Variants in CSGALNACT1 observed in about 807,000 individuals in gnomAD.
CSGALNACT1 encodes the protein beta4GalNAcT-1.
Under a neutral mutation model 51.0 loss-of-function variants are expected in CSGALNACT1, and 52 were observed. The observed-to-expected ratio is 1.02, with a 90% confidence interval of 0.82 to 1.29. The LOEUF (loss-of-function observed/expected upper bound fraction) is 1.29. Among genes scored for constraint, CSGALNACT1 ranks in the 50% most tolerant of loss-of-function variants. The probability of loss-of-function intolerance (pLI) is 0.00; values close to 1 mark genes in which losing one functional copy is unlikely to be tolerated. For synonymous variants in CSGALNACT1, 341 were observed against 254.4 expected, an observed-to-expected ratio of 1.34 and a Z score of -3.24; for missense variants, 935 against 679.2, an observed-to-expected ratio of 1.38 and a Z score of -4.19.
intron 6 of CSGALNACT1, among the ~76,000 whole-genome samples, chr8:19,425,920 G>T (rs975616788): frequency 6.6e-6 from 1 of 152,026 alleles, no homozygotes; most frequent in Non-Finnish European, 1.5e-5. Context: ...GTGCCTCGCC[G>T]CAAACTTACA....
chr8:19,500,993 T>C (rs966263263), intron 4 of CSGALNACT1, among the ~76,000 whole-genome samples: 1 of 152,134 alleles, frequency 6.6e-6, no homozygotes, highest in Admixed American at 6.5e-5. Context: ...CTCACGCCTG[T>C]AATCCCAGCA....
intron 1 of CSGALNACT1, among the ~76,000 whole-genome samples, chr8:19,710,504 G>A (rs1295842706): frequency 6.6e-6 from 1 of 152,170 alleles, no homozygotes; most frequent in Non-Finnish European, 1.5e-5. Context: ...GGAACAAAGA[G>A]TACATTGGTC....
At chr8:19,637,984 G>T (rs533465515) in intron 1 of CSGALNACT1, among the ~76,000 whole-genome samples, 14 of 152,110 alleles carry the variant, frequency 9.2e-5, no homozygotes, top group Non-Finnish European at 2.1e-4. Flanking sequence ...TTAAACCGAA[G>T]GAAGCAGCAG....
At chr8:19,638,317 G>A (rs936812724) in intron 1 of CSGALNACT1, among the ~76,000 whole-genome samples, 2 of 152,094 alleles carry the variant, frequency 1.3e-5, no homozygotes, top group African/African-American at 2.4e-5. Flanking sequence ...CGGAAAATGG[G>A]CAACAGACAA....
chr8:19,446,323 G>A (rs546629804), intron 5 of CSGALNACT1, among the ~76,000 whole-genome samples: 1 of 152,212 alleles, frequency 6.6e-6, no homozygotes, highest in East Asian at 1.9e-4. Context: ...GCCTCTGATA[G>A]CACTTCTCTA....
At chr8:19,664,255 A>C (rs1427667165) in intron 1 of CSGALNACT1, among the ~76,000 whole-genome samples, 1 of 152,216 alleles carries the variant, frequency 6.6e-6, no homozygotes, top group Non-Finnish European at 1.5e-5. Context: ...AGGATGAATA[A>C]ATGGCATTTT....
intron 1 of CSGALNACT1, among the ~76,000 whole-genome samples, chr8:19,644,034 A>C (rs1332180022): frequency 6.6e-6 from 1 of 152,252 alleles, no homozygotes; most frequent in Non-Finnish European, 1.5e-5. Context: ...ATTGTAATTT[A>C]CATGCCTAAC....
intron 3 of CSGALNACT1, among the ~76,000 whole-genome samples, chr8:19,526,197 G>C (rs948823327): frequency 6.6e-6 from 1 of 152,214 alleles, no homozygotes; most frequent in African/African-American, 2.4e-5. Context: ...ACATGGGATT[G>C]GGAGGCAGGA....
In CSGALNACT1 at chr8:19,505,487, G is replaced by C. The variant is rs776482078; in HGVS notation, c.348C>G (p.Thr116=). ...GCAGGAAGGCCAGGAGGTCGGCCTG[G>C]GTTTTCTCTGGGGGGCTCCTGTCCA... Residue 116 remains threonine, a synonymous_variant, in exon 4 of 10, where the codon ACC becomes ACG. Coordinates refer to ENST00000454498, the Ensembl canonical transcript of CSGALNACT1. 2.5e-6 allele frequency: 4 copies of C among 1,614,144 alleles called. No homozygotes were observed. The highest frequency in any genetic ancestry group is 2.7e-5 in the African/African-American group (2 of 75,056).
rs140055106 is a variant in CSGALNACT1 at position 19,551,786 on chromosome 8, A to C, written c.-297+39374T>G. On this transcript the variant is annotated intron_variant, in intron 3 of 9. Transcript: ENST00000454498. The stretch of plus-strand genomic sequence containing the variant: ...TTGACATTCTCACCCACTAAGCCTC[A>C]TGTCACATTTTCTTTGTCCCTAGGA... 6.1e-3 allele frequency among the ~76,000 whole-genome samples: 925 copies of C among 152,226 alleles called. 10 individuals are homozygous for C. Among genetic ancestry groups the C allele is most frequent in the African/African-American group, 0.021 (876 of 41,532 alleles).
chr8:19,665,186 G>C (rs1463686130), intron 1 of CSGALNACT1, among the ~76,000 whole-genome samples: 1 of 152,002 alleles, frequency 6.6e-6, no homozygotes, highest in African/African-American at 2.4e-5. Context: ...GCTAATTTTT[G>C]TATTTTTAGT....
chr8:19,674,251 C>T (rs1024589967), intron 1 of CSGALNACT1, among the ~76,000 whole-genome samples: 5 of 152,074 alleles, frequency 3.3e-5, no homozygotes, highest in African/African-American at 9.7e-5. Context: ...TAAGACAGTG[C>T]CACTGCGCTC....
chr8:19,746,378 A>G (rs2064664631), intron 1 of CSGALNACT1, among the ~76,000 whole-genome samples: 2 of 152,118 alleles, frequency 1.3e-5, no homozygotes, highest in Admixed American at 6.5e-5. Context: ...GGCACCTAAA[A>G]CTATCTGCCT....
intron 1 of CSGALNACT1, among the ~76,000 whole-genome samples, chr8:19,693,251 G>A (rs1428401029): frequency 6.6e-6 from 1 of 151,840 alleles, no homozygotes; most frequent in African/African-American, 2.4e-5. Flanking sequence ...CTCCAGCAGT[G>A]GCCTTTTCTT....
exon 4 of CSGALNACT1, chr8:19,506,120 C>T (rs1251354448): frequency 8.1e-6 from 5 of 613,804 alleles, no homozygotes; most frequent in Non-Finnish European, 1.5e-5. Flanking sequence ...CAGCCAACAG[C>T]AAGAGGGGAC....
At chr8:19,468,011 CA>C (rs2067119367) in intron 4 of CSGALNACT1, among the ~76,000 whole-genome samples, 1 of 152,078 alleles carries the variant, frequency 6.6e-6, no homozygotes, top group African/African-American at 2.4e-5. Flanking sequence ...AAAAGATGAA[CA>C]TGATAAAATC....
Position 19,689,808 on chromosome 8 carries a change from G to T in CSGALNACT1, c.-297+68042C>A, listed in dbSNP as rs532424017. On this transcript the variant is annotated intron_variant, in intron 1 of 1. Coordinates refer to the CSGALNACT1 transcript ENST00000517494. ...TTAAATCCCCAAACAGCAAGTTTTAGCATAAAGAAGTCCCCTGTGCTTGAA... is the reference window on the plus strand; with the variant it reads ...TTAAATCCCCAAACAGCAAGTTTTATCATAAAGAAGTCCCCTGTGCTTGAA... Among the ~76,000 whole-genome samples the T allele has an allele frequency of 4.9e-4, 75 of 152,330 alleles. 1 individual carries two copies. Among genetic ancestry groups the T allele is most frequent in the African/African-American group, 1.7e-3 (71 of 41,562 alleles).
chr8:19,683,655 A>G (rs937251445), upstream of CSGALNACT1, among the ~76,000 whole-genome samples: 1 of 152,180 alleles, frequency 6.6e-6, no homozygotes, highest in East Asian at 1.9e-4. Flanking sequence ...ATATACCTGG[A>G]AAGTAATTTA....
chr8:19,527,841 C>T (rs138329674), intron 3 of CSGALNACT1, among the ~76,000 whole-genome samples: 22 of 152,092 alleles, frequency 1.4e-4, no homozygotes, highest in African/African-American at 5.3e-4. Context: ...AGCATCCAGG[C>T]GGAGATGGTG....
Sources: gnomAD v4.1 joint callset for allele counts (sites outside exome capture counted in the v4.1 genomes callset) on GRCh38, gnomAD v4.1.1 for gene constraint, MANE v1.5 for transcripts, NCBI Gene and HGNC (gene_info 2026-07-23, HGNC 2026-07-21) for gene names.